The following SPATA13 variants were observed in gnomAD, a reference collection of about 807,000 sequenced individuals.
The protein encoded by SPATA13 is spermatogenesis associated 13.
A neutral mutation model predicts 104.0 loss-of-function variants in SPATA13; 50 were observed. That is an observed-to-expected ratio of 0.48 (90% CI 0.38 to 0.61). The LOEUF (loss-of-function observed/expected upper bound fraction) is 0.61. Among genes scored for constraint, SPATA13 ranks in the 20% least tolerant of loss-of-function variants. The pLI is 0.00. For missense variants in SPATA13, 1,524 were observed against 1,690.6 expected (o/e 0.90, Z 1.73); for synonymous variants, 606 against 667.5 (o/e 0.91, Z 1.42).
chr13:23,984,824 G>C (rs1397388347), intron 2 of SPATA13, among the ~76,000 whole-genome samples: 1 of 152,238 alleles, frequency 6.6e-6, no homozygotes, highest in Admixed American at 6.5e-5. Flanking sequence ...TACTTAATTA[G>C]AACAGGGATT....
At chr13:24,284,480 G>A (rs1226250844) in intron 5 of SPATA13, among the ~76,000 whole-genome samples, 1 of 152,108 alleles carries the variant, frequency 6.6e-6, no homozygotes, top group Non-Finnish European at 1.5e-5. Flanking sequence ...GGCCAACATA[G>A]TGAAACCCTG....
intron 3 of SPATA13, among the ~76,000 whole-genome samples, chr13:24,144,953 G>C (rs1005482318): frequency 6.6e-6 from 1 of 152,148 alleles, no homozygotes; most frequent in African/African-American, 2.4e-5. Context: ...TATTTCATTA[G>C]ACCTATGATC....
At position 24,222,896 on chromosome 13, in the gene SPATA13, G is replaced by T; in HGVS notation, c.-34G>T. On this transcript the variant is annotated 5_prime_UTR_variant, in exon 2 of 13. Transcript: ENST00000382108. ...GCATTCCTGGAGATGAAGGCCTGGAGCTGCGGTCTGCGGACTCGGCAGTGC... is the reference window on the plus strand; with the variant it reads ...GCATTCCTGGAGATGAAGGCCTGGATCTGCGGTCTGCGGACTCGGCAGTGC... 6.5e-7 allele frequency: 1 copy of T among 1,549,834 alleles called. No individual in the cohort carries two copies. Among genetic ancestry groups the T allele is most frequent in the African/African-American group, 1.4e-5 (1 of 73,134 alleles).
At chr13:24,284,706 C>T (rs1180489210) in intron 5 of SPATA13, among the ~76,000 whole-genome samples, 1 of 152,090 alleles carries the variant, frequency 6.6e-6, no homozygotes, top group Non-Finnish European at 1.5e-5. Flanking sequence ...TGACCTCGTC[C>T]AGGAAAATAT....
intron 2 of SPATA13, among the ~76,000 whole-genome samples, chr13:24,227,896 C>A (rs1042431155): frequency 6.6e-6 from 1 of 151,746 alleles, no homozygotes; most frequent in Non-Finnish European, 1.5e-5. Context: ...GCACATCAGG[C>A]TTCCTCTTGT....
upstream of SPATA13, among the ~76,000 whole-genome samples, chr13:24,155,721 G>T (rs1352658010): frequency 1.3e-5 from 2 of 152,198 alleles, no homozygotes; most frequent in African/African-American, 4.8e-5. Context: ...ACAATTTTAA[G>T]TGTGCAATTC....
intron 12 of SPATA13, among the ~76,000 whole-genome samples, chr13:24,300,849 A>G (rs1877134284): frequency 6.6e-6 from 1 of 152,190 alleles, no homozygotes; most frequent in Non-Finnish European, 1.5e-5. Flanking sequence ...TAGGCATGAG[A>G]GGACAAAATC....
upstream of SPATA13, among the ~76,000 whole-genome samples, chr13:24,157,958 G>T (rs1882313064): frequency 6.6e-6 from 1 of 152,166 alleles, no homozygotes; most frequent in African/African-American, 2.4e-5. Flanking sequence ...GGATTGTCTT[G>T]AGGATTTAAG....
At chr13:24,137,990 G>A (rs940900673) in intron 3 of SPATA13, among the ~76,000 whole-genome samples, 1 of 152,074 alleles carries the variant, frequency 6.6e-6, no homozygotes, top group African/African-American at 2.4e-5. Flanking sequence ...CTGGTCAGTT[G>A]CCTGGAGATG....
intron 3 of SPATA13, among the ~76,000 whole-genome samples, chr13:24,026,844 C>T (rs948230586): frequency 2.6e-5 from 4 of 152,148 alleles, no homozygotes; most frequent in African/African-American, 9.7e-5. Flanking sequence ...GACCTTGTGA[C>T]CTTTGCCTCC....
At chr13:24,123,475 T>C in intron 3 of SPATA13, 1 of 1,582,958 alleles carries the variant, frequency 6.3e-7, no homozygotes, top group Non-Finnish European at 8.7e-7. Context: ...TTCAGAAGTA[T>C]TTCAGCGAAA....
chr13:24,262,596 C>T (rs980271296), intron 4 of SPATA13, among the ~76,000 whole-genome samples: 2 of 152,164 alleles, frequency 1.3e-5, no homozygotes, highest in African/African-American at 4.8e-5. Context: ...AATCCCAATC[C>T]TTGGGCAAGT....
At position 24,224,016 on chromosome 13, in the gene SPATA13, CGCCGCGTCTCCA is replaced by C; in HGVS notation, c.1089_1100del (p.Arg364_Arg367del). On this transcript the variant is annotated inframe_deletion, in exon 2 of 13. Coordinates refer to ENST00000382108, the MANE Select transcript of SPATA13 (RefSeq NM_001166271.3). ...CAGCCGGCTGCATGACGACTACTCC[CGCCGCGTCTCCA>C]GGAGCACTGAGCAGGACAGCAGGCG... 6.5e-7 allele frequency: 1 copy of C among 1,548,854 alleles called. No homozygotes were observed. The highest frequency in any genetic ancestry group is 8.7e-7 in the Non-Finnish European group (1 of 1,145,502).
intron 4 of SPATA13, among the ~76,000 whole-genome samples, chr13:24,275,992 G>A (rs1935042): frequency 0.93 from 141,812 of 152,236 alleles, 66,413 homozygotes; most frequent in East Asian, 1. Flanking sequence ...AAGAAACTAC[G>A]GTTGGTGAGA....
chr13:24,161,398 C>T lies in SPATA13; in HGVS notation c.-112+466C>T, dbSNP rs952751491. ...GTGCCTCCGGGGACCCGGAGCGATGCGGTTGGAGAGCTTAGTTTAGAAAGC... is the reference window on the plus strand; with the variant it reads ...GTGCCTCCGGGGACCCGGAGCGATGTGGTTGGAGAGCTTAGTTTAGAAAGC... On this transcript the variant is annotated intron_variant, in intron 1 of 12. Coordinates refer to ENST00000382108, the MANE Select transcript of SPATA13 (RefSeq NM_001166271.3). This position sits in a 1 kb window ranked among gnomAD's most constrained non-coding sequence, Gnocchi z 4.5. 1.3e-5 allele frequency among the ~76,000 whole-genome samples: 2 copies of T among 152,138 alleles called. No homozygotes were observed. The highest frequency in any genetic ancestry group is 2.4e-5 in the African/African-American group (1 of 41,428).
At chr13:24,259,838 A>G (rs1873971754) in intron 4 of SPATA13, among the ~76,000 whole-genome samples, 1 of 152,148 alleles carries the variant, frequency 6.6e-6, no homozygotes, top group African/African-American at 2.4e-5. Context: ...TTCTTTAGAG[A>G]CAGAGTCTCA....
At chr13:24,027,807 A>G (rs1224252261) in intron 3 of SPATA13, among the ~76,000 whole-genome samples, 4 of 152,258 alleles carry the variant, frequency 2.6e-5, no homozygotes, top group Middle Eastern at 3.4e-3. Context: ...ATATGCACGG[A>G]TCTTAGAAGA....
intron 12 of SPATA13, among the ~76,000 whole-genome samples, chr13:24,300,947 G>A (rs1005164570): frequency 1.3e-5 from 2 of 152,150 alleles, no homozygotes; most frequent in African/African-American, 4.8e-5. Flanking sequence ...CATCAGGCAA[G>A]GAGTTAGACA....
intron 3 of SPATA13, among the ~76,000 whole-genome samples, chr13:24,152,835 C>T (rs1012595641): frequency 1.3e-5 from 2 of 150,756 alleles, no homozygotes; most frequent in Non-Finnish European, 2.9e-5. Flanking sequence ...AAGCAGCTTT[C>T]TCTCTCTCTC....
Sources: allele counts gnomAD v4.1 joint callset (sites outside exome capture counted in the v4.1 genomes callset), GRCh38; gene constraint gnomAD v4.1.1; non-coding constraint Gnocchi (gnomAD v3.1); transcripts MANE v1.5; gene names NCBI Gene and HGNC (gene_info 2026-07-23, HGNC 2026-07-21).